DACH1: variants seen among roughly 807,000 people sequenced by gnomAD.
The protein encoded by DACH1 is dachshund family transcription factor 1.
In DACH1, 12 loss-of-function variants were observed where a neutral mutation model predicts 54.2. That is an observed-to-expected ratio of 0.22 (90% CI 0.14 to 0.36). DACH1 has a LOEUF of 0.36. Among genes scored for constraint, DACH1 ranks in the 10% least tolerant of loss-of-function variants. DACH1 has a pLI of 1.00. For synonymous variants in DACH1, 386 were observed against 366.2 expected, an observed-to-expected ratio of 1.05 and a Z score of -0.62; for missense variants, 805 against 929.8, an observed-to-expected ratio of 0.87 and a Z score of 1.75.
chr13:71,700,888 A>T (rs1882104555), intron 1 of DACH1, among the ~76,000 whole-genome samples: 1 of 152,184 alleles, frequency 6.6e-6, no homozygotes, highest in Non-Finnish European at 1.5e-5. Context: ...GTTCAAAGTA[A>T]ATTAGCCTTT....
chr13:71,677,218 A>G (rs1188475399), intron 2 of DACH1, among the ~76,000 whole-genome samples: 2 of 152,196 alleles, frequency 1.3e-5, no homozygotes, highest in African/African-American at 4.8e-5. Context: ...TGTTGCTAGG[A>G]TGAATTATTT....
chr13:71,663,188 A>G (rs544264052), intron 2 of DACH1, among the ~76,000 whole-genome samples: 1 of 148,712 alleles, frequency 6.7e-6, no homozygotes, highest in East Asian at 2.0e-4. Flanking sequence ...AACTTCTCCA[A>G]TTGAGAATAA....
At chr13:71,779,194 T>C (rs1373425426) in intron 1 of DACH1, among the ~76,000 whole-genome samples, 1 of 124,620 alleles carries the variant, frequency 8.0e-6, no homozygotes, top group African/African-American at 3.5e-5. Context: ...TATACGTATA[T>C]ACGTATATAT....
intron 10 of DACH1, among the ~76,000 whole-genome samples, chr13:71,471,280 T>C (rs1336038109): frequency 2.0e-5 from 3 of 151,670 alleles, no homozygotes; most frequent in Admixed American, 1.3e-4. Flanking sequence ...TAGGGTGCCA[T>C]AGGGAAGGAA....
intron 1 of DACH1, among the ~76,000 whole-genome samples, chr13:71,752,247 A>G (rs1404992519): frequency 6.6e-6 from 1 of 152,162 alleles, no homozygotes; most frequent in Non-Finnish European, 1.5e-5. Flanking sequence ...TATTAACAAT[A>G]GTGCACAATC....
At chr13:71,851,375 T>C (rs989470991) in intron 1 of DACH1, among the ~76,000 whole-genome samples, 2 of 152,216 alleles carry the variant, frequency 1.3e-5, no homozygotes, top group Admixed American at 1.3e-4. Context: ...TATATTACAT[T>C]ATAACTAGTA....
chr13:71,810,669 T>A (rs1887674221), intron 1 of DACH1, among the ~76,000 whole-genome samples: 1 of 152,188 alleles, frequency 6.6e-6, no homozygotes, highest in Admixed American at 6.5e-5. Flanking sequence ...ATTGCTCTAA[T>A]CTTTTAGCAC....
At chr13:71,781,539 C>T (rs371821708) in intron 1 of DACH1, among the ~76,000 whole-genome samples, 12 of 151,862 alleles carry the variant, frequency 7.9e-5, no homozygotes, top group East Asian at 5.9e-4. Flanking sequence ...CCAAAGCGCC[C>T]GGCTAATTTT....
chr13:71,649,531 T>C (rs1359096367), intron 2 of DACH1, among the ~76,000 whole-genome samples: 1 of 152,156 alleles, frequency 6.6e-6, no homozygotes, highest in African/African-American at 2.4e-5. Flanking sequence ...CTGTGTAAGG[T>C]AGAACATAAG....
At chr13:71,500,787 T>A (rs147140017) in intron 6 of DACH1, among the ~76,000 whole-genome samples, 1 of 152,116 alleles carries the variant, frequency 6.6e-6, no homozygotes, top group Non-Finnish European at 1.5e-5. Context: ...TCTGGCCTTT[T>A]TTTTTCTCTC....
chr13:71,551,723 A>C (rs1284917157), intron 6 of DACH1, among the ~76,000 whole-genome samples: 1 of 152,190 alleles, frequency 6.6e-6, no homozygotes, highest in Non-Finnish European at 1.5e-5. Context: ...AAAGTGATAC[A>C]TAATGATTTT....
At chr13:71,563,461 C>T (rs1593900767) in intron 4 of DACH1, among the ~76,000 whole-genome samples, 1 of 151,738 alleles carries the variant, frequency 6.6e-6, no homozygotes, top group South Asian at 2.1e-4. Context: ...ATATTTAATG[C>T]ATAAATCTCT....
intron 6 of DACH1, among the ~76,000 whole-genome samples, chr13:71,532,819 T>C (rs1882501864): frequency 6.6e-6 from 1 of 151,918 alleles, no homozygotes; most frequent in East Asian, 1.9e-4. Context: ...TCAACTCATA[T>C]ATAAATATAT....
chr13:71,677,320 C>G (rs1880633830), intron 2 of DACH1, among the ~76,000 whole-genome samples: 1 of 152,170 alleles, frequency 6.6e-6, no homozygotes, highest in South Asian at 2.1e-4. Flanking sequence ...CCTTGTGTGA[C>G]TCTACAAAGA....
intron 1 of DACH1, among the ~76,000 whole-genome samples, chr13:71,748,955 TCTTTCTTTCTCTCTCTC>T (rs1884795593): frequency 3.2e-5 from 2 of 62,700 alleles, no homozygotes; most frequent in African/African-American, 1.0e-4. Flanking sequence ...TTTCTTTCTC[TCTTTCTTTCTCTCTCTC>T]TCTTTCTTCT....
chr13:71,816,047 T>C (rs188857950), intron 1 of DACH1, among the ~76,000 whole-genome samples: 2,469 of 151,870 alleles, frequency 0.016, 65 homozygotes, highest in African/African-American at 0.055. Context: ...ATCGCGCCAC[T>C]GCACTCCAGC....
At chr13:71,561,050 A>C (rs184198889) in intron 4 of DACH1, among the ~76,000 whole-genome samples, 1 of 152,310 alleles carries the variant, frequency 6.6e-6, no homozygotes. Context: ...CCAAAATGTC[A>C]ATGTTAACTT....
chr13:71,776,578 A>G (rs1352131391), intron 1 of DACH1, among the ~76,000 whole-genome samples: 4 of 152,138 alleles, frequency 2.6e-5, no homozygotes, highest in Non-Finnish European at 4.4e-5. Flanking sequence ...AAGGAGAAAT[A>G]ACAGTCTTAA....
At chr13:71,530,435 A>G (rs1179745240) in intron 6 of DACH1, among the ~76,000 whole-genome samples, 1 of 151,730 alleles carries the variant, frequency 6.6e-6, no homozygotes, top group African/African-American at 2.4e-5. Context: ...TTATTTGGAC[A>G]AGGACAAAGA....
Sources: gnomAD v4.1 joint callset for allele counts (sites outside exome capture counted in the v4.1 genomes callset) on GRCh38, gnomAD v4.1.1 for gene constraint, MANE v1.5 for transcripts, NCBI Gene and HGNC (gene_info 2026-07-23, HGNC 2026-07-21) for gene names.